SAAL1: variants seen among roughly 807,000 people sequenced by gnomAD.
The protein encoded by SAAL1 is serum amyloid A like 1, also known as protein SAAL1.
In SAAL1, 42 loss-of-function variants were observed where a neutral mutation model predicts 59.8. That is an observed-to-expected ratio of 0.70 (90% CI 0.55 to 0.91). SAAL1 has a LOEUF of 0.91. Ranked by LOEUF, SAAL1 falls within the 40% of genes least tolerant of loss-of-function variation. SAAL1 has a pLI of 0.00. For missense variants in SAAL1, 542 were observed against 561.1 expected (o/e 0.97, Z 0.34); for synonymous variants, 191 against 194.3 (o/e 0.98, Z 0.14).
At chr11:18,082,017 A>G (rs1848416159) in intron 10 of SAAL1, among the ~76,000 whole-genome samples, 1 of 152,112 alleles carries the variant, frequency 6.6e-6, no homozygotes. Context: ...CTTAAAAGTA[A>G]AAAATCTTTA....
At chr11:18,081,818 T>G in intron 10 of SAAL1, 1 of 253,822 alleles carries the variant, frequency 3.9e-6, no homozygotes, top group East Asian at 7.4e-5. Flanking sequence ...AAATCTCTCT[T>G]ACCCCCATCC....
intron 7 of SAAL1, among the ~76,000 whole-genome samples, chr11:18,088,115 C>T (rs1347806416): frequency 1.3e-5 from 2 of 152,200 alleles, no homozygotes; most frequent in African/African-American, 4.8e-5. Flanking sequence ...ACAAGACAGC[C>T]TGGTTCAGTT....
rs191528347 is a variant in SAAL1, at chr11:18,101,382, G to C, written c.249+1851C>G. ...CTAGGTGGAGGTAAGTGAATCACGG[G>C]GGTGGTTTCCCCCATGCTGTTCTCA... On this transcript the variant is annotated intron_variant, in intron 2 of 11. Transcript: ENST00000524803. 4.6e-5 allele frequency among the ~76,000 whole-genome samples: 7 copies of C among 152,170 alleles called. 1 individual carries two copies. Among genetic ancestry groups the C allele is most frequent in the Admixed American group, 3.9e-4 (6 of 15,292 alleles).
chr11:18,103,544 G>A (rs1364399461), intron 1 of SAAL1, among the ~76,000 whole-genome samples, 198 bp from the exon 2 acceptor site: 1 of 152,180 alleles, frequency 6.6e-6, no homozygotes, highest in African/African-American at 2.4e-5. Context: ...AGGTACTTTA[G>A]TTTCCTCCTA....
At chr11:18,100,161 T>C (rs1446649340) in intron 2 of SAAL1, among the ~76,000 whole-genome samples, 4 of 152,250 alleles carry the variant, frequency 2.6e-5, no homozygotes, top group Non-Finnish European at 5.9e-5. Flanking sequence ...AATTGTAGAA[T>C]AGAAAGTAGA....
At chr11:18,096,911 A>G in intron 2 of SAAL1, 57 bp from the exon 3 acceptor site, 1 of 897,300 alleles carries the variant, frequency 1.1e-6, no homozygotes, top group Non-Finnish European at 1.8e-6. Context: ...TAAACCCTAA[A>G]GCTCAGGCAA....
chr11:18,098,835 T>C (rs1564872804), intron 2 of SAAL1, among the ~76,000 whole-genome samples: 1 of 152,216 alleles, frequency 6.6e-6, no homozygotes, highest in East Asian at 1.9e-4. Flanking sequence ...ATTCCTGGAG[T>C]AGCACAAGGG....
intron 1 of SAAL1, among the ~76,000 whole-genome samples, chr11:18,103,737 G>A (rs900917003): frequency 6.6e-6 from 1 of 152,174 alleles, no homozygotes; most frequent in Non-Finnish European, 1.5e-5. Flanking sequence ...AGTGGGTTGG[G>A]AAATGGATGA....
At chr11:18,103,669 C>T (rs1484066114) in intron 1 of SAAL1, among the ~76,000 whole-genome samples, 2 of 152,172 alleles carry the variant, frequency 1.3e-5, no homozygotes, top group African/African-American at 4.8e-5. Flanking sequence ...CTGGTTTCTG[C>T]CTTGCACCTT....
chr11:18,081,793 C>T (rs1159431731), intron 10 of SAAL1: 1 of 321,062 alleles, frequency 3.1e-6, no homozygotes, highest in Non-Finnish European at 5.8e-6. Context: ...GGCAAGTGCT[C>T]AATTCTATTC....
At position 18,088,697 on chromosome 11, in the gene SAAL1, T is replaced by C. The variant is rs199604808; in HGVS notation, c.770+633A>G. Reference sequence around the variant, plus strand: ...CTTCTACATTATCCAAATAGGATAATGATTACATCATTTACTGAGATTGAG... The same window carrying C: ...CTTCTACATTATCCAAATAGGATAACGATTACATCATTTACTGAGATTGAG... On this transcript the variant is annotated intron_variant, in intron 7 of 11. Transcript: ENST00000524803. 2.0e-5 allele frequency among the ~76,000 whole-genome samples: 3 copies of C among 152,190 alleles called. No homozygotes were observed. In the East Asian group the frequency reaches 5.8e-4, roughly 29 times the overall value.
At chr11:18,082,762 G>T (rs1848423642) in intron 10 of SAAL1, among the ~76,000 whole-genome samples, 1 of 151,988 alleles carries the variant, frequency 6.6e-6, no homozygotes, top group Non-Finnish European at 1.5e-5. Flanking sequence ...CTCCCAAGTA[G>T]CTAGGATCAC....
rs375212145 is a variant in SAAL1, at chr11:18,080,775, A to G, written c.1333-284T>C. Among the ~76,000 whole-genome samples, 16 of 152,128 alleles carry G rather than the reference A, an allele frequency of 1.1e-4. No homozygotes were observed. In the South Asian group the frequency reaches 2.9e-3, roughly 28 times the overall value. On this transcript the variant is annotated intron_variant, in intron 11 of 11. Coordinates refer to ENST00000524803, the MANE Select transcript of SAAL1 (RefSeq NM_138421.3). ...CCTTCATTTTCCTGAAAAAGTTCCTATTTTGAAATCTGATTCTAATGGTAG... is the reference window on the plus strand; with the variant it reads ...CCTTCATTTTCCTGAAAAAGTTCCTGTTTTGAAATCTGATTCTAATGGTAG...
At chr11:18,088,315 C>T (rs1483580973) in intron 7 of SAAL1, among the ~76,000 whole-genome samples, 7 of 151,974 alleles carry the variant, frequency 4.6e-5, no homozygotes, top group African/African-American at 1.7e-4. Context: ...ATGCATGATG[C>T]TGAGGTTTGG....
At chr11:18,105,666 G>A (rs1017148289) in intron 1 of SAAL1, among the ~76,000 whole-genome samples, 3 of 152,166 alleles carry the variant, frequency 2.0e-5, no homozygotes, top group Non-Finnish European at 2.9e-5. Context: ...AAATAGAACG[G>A]CAAGTATTTC....
At chr11:18,093,451 C>T (rs1243054958) in intron 3 of SAAL1, among the ~76,000 whole-genome samples, 1 of 152,024 alleles carries the variant, frequency 6.6e-6, no homozygotes, top group Non-Finnish European at 1.5e-5. Context: ...CATTGGGGGC[C>T]TTGGAATGCA....
At chr11:18,086,821 A>C (rs762998216) in intron 9 of SAAL1, 45 bp downstream of exon 9, 1 of 1,285,052 alleles carries the variant, frequency 7.8e-7, no homozygotes, top group South Asian at 2.5e-5. Flanking sequence ...AAAGGGAGAA[A>C]TAAATGAAAT....
At chr11:18,080,899 G>T in intron 11 of SAAL1, among the ~76,000 whole-genome samples, 1 of 152,116 alleles carries the variant, frequency 6.6e-6, no homozygotes, top group East Asian at 1.9e-4. Flanking sequence ...ATAACAGAAA[G>T]GAGTACTATA....
intron 6 of SAAL1, among the ~76,000 whole-genome samples, chr11:18,089,750 C>CA (rs943818172): frequency 6.6e-6 from 1 of 151,964 alleles, no homozygotes; most frequent in African/African-American, 2.4e-5. Flanking sequence ...AAAACTTTCT[C>CA]AAAAAAACAA....
Sources: gnomAD v4.1 joint callset for allele counts (sites outside exome capture counted in the v4.1 genomes callset) on GRCh38, gnomAD v4.1.1 for gene constraint, MANE v1.5 for transcripts, NCBI Gene and HGNC (gene_info 2026-07-23, HGNC 2026-07-21) for gene names.